ZNF516: variants seen among roughly 807,000 people sequenced by gnomAD.
ZNF516 encodes the protein zinc finger protein 516.
In ZNF516, 19 loss-of-function variants were observed where a neutral mutation model predicts 79.7. The observed-to-expected ratio is 0.24, with a 90% CI of 0.17 to 0.35. The LOEUF is 0.35. Among genes scored for constraint, ZNF516 ranks in the 10% least tolerant of loss-of-function variants. The probability of loss-of-function intolerance (pLI) is 1.00; values close to 1 mark genes in which losing one functional copy is unlikely to be tolerated. For synonymous variants in ZNF516, 877 were observed against 739.5 expected (o/e 1.19, Z -3.02); for missense variants, 1,678 against 1,679.5 (o/e 1.00, Z 0.02).
rs142821975 is a variant in ZNF516 at position 76,439,361 on chromosome 18, T to C, written c.1810+1884A>G. ...CACATACACCTACAGGGCTCTTCCA[T>C]GTTTCATGCCTCTGTCGAGCCATAA... is the stretch of plus-strand genomic sequence containing the variant. On this transcript the variant is annotated intron_variant, in intron 3 of 6. Transcript: ENST00000443185. Among the ~76,000 whole-genome samples the C allele has an allele frequency of 1.8e-3, 268 of 152,368 alleles. 1 individual carries two copies. The highest frequency in any genetic ancestry group is 3.2e-3 in the Non-Finnish European group (218 of 68,036).
chr18:76,428,238 A>C (rs1331823124), intron 3 of ZNF516, among the ~76,000 whole-genome samples: 1 of 152,044 alleles, frequency 6.6e-6, no homozygotes, highest in Non-Finnish European at 1.5e-5. Flanking sequence ...ATGCAAAAAA[A>C]AAAAATTAGC....
At chr18:76,374,650 C>G (rs2074758178) in intron 4 of ZNF516, among the ~76,000 whole-genome samples, 1 of 152,232 alleles carries the variant, frequency 6.6e-6, no homozygotes, top group African/African-American at 2.4e-5. Context: ...AATCACACTT[C>G]TAGCACCCAC....
intron 4 of ZNF516, among the ~76,000 whole-genome samples, chr18:76,377,715 A>ATTTTTTTTTTTT (rs1213742643): frequency 1.5e-5 from 2 of 133,632 alleles, no homozygotes; most frequent in Non-Finnish European, 3.2e-5. Flanking sequence ...TTACAACGTT[A>ATTTTTTTTTTTT]TTTTTTTTTT....
Position 76,431,866 on chromosome 18 carries a change from G to A in ZNF516, c.1810+9379C>T, listed in dbSNP as rs563356848. 4.6e-5 allele frequency among the ~76,000 whole-genome samples: 7 copies of A among 152,212 alleles called. No individual in the cohort carries two copies. The South Asian group carries it at 6.2e-4, about 14-fold the overall frequency. ...TTTCTTTATACATTGCCCAAGTCTC[G>A]GGTATTCCTTTACAGAAACACAAGA... On this transcript the variant is annotated intron_variant, in intron 3 of 6. Coordinates refer to ENST00000443185, the MANE Select transcript of ZNF516 (RefSeq NM_014643.4).
At chr18:76,425,267 T>C (rs2075578850) in intron 3 of ZNF516, among the ~76,000 whole-genome samples, 1 of 152,130 alleles carries the variant, frequency 6.6e-6, no homozygotes, top group Non-Finnish European at 1.5e-5. Flanking sequence ...CCCCGTGGAA[T>C]CTACAACTAA....
intron 2 of ZNF516, among the ~76,000 whole-genome samples, chr18:76,447,890 TGTGA>T (rs1268151683): frequency 1.3e-5 from 2 of 152,062 alleles, no homozygotes; most frequent in Non-Finnish European, 2.9e-5. Flanking sequence ...TGTGAGTGTG[TGTGA>T]GTGTGTGTGT....
At chr18:76,411,195 C>T (rs1459915739) in intron 3 of ZNF516, among the ~76,000 whole-genome samples, 1 of 152,206 alleles carries the variant, frequency 6.6e-6, no homozygotes, top group South Asian at 2.1e-4. Context: ...TGGCCAGGGG[C>T]TACTCACGAA....
chr18:76,451,327 G>T lies in ZNF516; in HGVS notation c.-157-8116C>A, dbSNP rs964369124. 6.6e-6 allele frequency among the ~76,000 whole-genome samples: 1 copy of T among 152,182 alleles called. No homozygotes were observed. The highest frequency in any genetic ancestry group is 1.5e-5 in the Non-Finnish European group (1 of 68,020). ...TTCCGGGGGCGGGGGGGGCACCGAT[G>T]TCAGCCCGGGATGGATGTCCGCGGG... On this transcript the variant is annotated intron_variant, in intron 2 of 6. Transcript: ENST00000443185. This position sits in a 1 kb window ranked among gnomAD's most constrained non-coding sequence, Gnocchi z 6.0.
At chr18:76,491,273 TCCCCGGCCCCGGCCCCGG>T (rs535528609) in intron 1 of ZNF516, among the ~76,000 whole-genome samples, 1 of 78,966 alleles carries the variant, frequency 1.3e-5, no homozygotes, top group African/African-American at 5.7e-5. Flanking sequence ...CCCGCCCCCC[TCCCCGGCCCCGGCCCCGG>T]CCCCGGCCCT....
chr18:76,383,713 G>C (rs1341639826), intron 3 of ZNF516, among the ~76,000 whole-genome samples: 1 of 152,174 alleles, frequency 6.6e-6, no homozygotes, highest in Non-Finnish European at 1.5e-5. Flanking sequence ...ACAGGATCAG[G>C]GCCACTGAAA....
rs368789387 is a variant in ZNF516 at position 76,379,474 on chromosome 18, G to A, written c.2640C>T (p.Pro880=). The change falls in exon 4 of 7, where the codon CCC becomes CCT. Residue 880 remains proline, a synonymous_variant. Coordinates refer to ENST00000443185, the MANE Select transcript of ZNF516 (RefSeq NM_014643.4). ...HSGGPCALWA[P]GPDGYRQTKP... Reference sequence around the variant, plus strand: ...TGGTCTGTCGATACCCGTCAGGGCCGGGCGCCCACAGAGCGCAGGGACCTC... The same window carrying A: ...TGGTCTGTCGATACCCGTCAGGGCCAGGCGCCCACAGAGCGCAGGGACCTC... 109 of 1,613,526 alleles carry A rather than the reference G, an allele frequency of 6.8e-5. No homozygotes were observed. Among genetic ancestry groups the A allele is most frequent in the Non-Finnish European group, 8.4e-5 (99 of 1,179,890 alleles).
chr18:76,434,709 G>A (rs9966051), intron 3 of ZNF516, among the ~76,000 whole-genome samples: 4,532 of 152,246 alleles, frequency 0.03, 107 homozygotes, highest in African/African-American at 0.053. Flanking sequence ...CCTGCCCCTC[G>A]CGGACACACC....
intron 3 of ZNF516, among the ~76,000 whole-genome samples, chr18:76,425,493 G>C (rs896034689): frequency 2.0e-5 from 3 of 152,206 alleles, no homozygotes; most frequent in African/African-American, 7.2e-5. Flanking sequence ...CTCACACACT[G>C]TGCGATCCTG....
chr18:76,422,047 A>G (rs913254892), intron 3 of ZNF516, among the ~76,000 whole-genome samples: 3 of 152,242 alleles, frequency 2.0e-5, no homozygotes, highest in African/African-American at 7.2e-5. Context: ...AAATATCTCC[A>G]TGGCTACATG....
chr18:76,428,853 G>A (rs542506449), intron 3 of ZNF516, among the ~76,000 whole-genome samples: 1 of 152,386 alleles, frequency 6.6e-6, no homozygotes, highest in South Asian at 2.1e-4. Context: ...GTTCACAAAA[G>A]ATGTGTGGAT....
At chr18:76,435,388 G>C (rs1031592712) in intron 3 of ZNF516, among the ~76,000 whole-genome samples, 4 of 152,208 alleles carry the variant, frequency 2.6e-5, no homozygotes, top group African/African-American at 4.8e-5. Context: ...AACGCTGAAA[G>C]AATCAGAATA....
intron 2 of ZNF516, among the ~76,000 whole-genome samples, chr18:76,458,875 C>T (rs754222502): frequency 1.1e-4 from 17 of 152,190 alleles, no homozygotes; most frequent in East Asian, 3.9e-4. Context: ...CAGGCCTCAC[C>T]GTCGTGTGTG....
intron 3 of ZNF516, among the ~76,000 whole-genome samples, chr18:76,398,380 A>G (rs563508894): frequency 1.3e-5 from 2 of 152,376 alleles, no homozygotes; most frequent in South Asian, 4.1e-4. Context: ...TTACAAATTT[A>G]TCCAAGTTGG....
chr18:76,383,902 A>C (rs2074936009), intron 3 of ZNF516, among the ~76,000 whole-genome samples: 2 of 152,196 alleles, frequency 1.3e-5, no homozygotes, highest in Non-Finnish European at 2.9e-5. Context: ...GGGGCCTCCA[A>C]TCATGGGAAT....
Sources: allele counts gnomAD v4.1 joint callset (sites outside exome capture counted in the v4.1 genomes callset), GRCh38; gene constraint gnomAD v4.1.1; non-coding constraint Gnocchi (gnomAD v3.1); transcripts MANE v1.5; gene names NCBI Gene and HGNC (gene_info 2026-07-23, HGNC 2026-07-21).